PTPRD: variants seen among roughly 807,000 people sequenced by gnomAD.
The protein encoded by PTPRD is protein tyrosine phosphatase receptor type D, also known as receptor-type tyrosine-protein phosphatase delta.
A neutral mutation model predicts 214.5 loss-of-function variants in PTPRD; 34 were observed. The ratio of observed to expected loss-of-function variants is 0.16; its 90% CI spans 0.12 to 0.21. PTPRD has a LOEUF of 0.21. PTPRD is among the 10% of genes least tolerant of loss of function. The probability of loss-of-function intolerance (pLI) is 1.00; values close to 1 mark genes in which losing one functional copy is unlikely to be tolerated. For missense variants in PTPRD, 2,545 were observed against 2,398.7 expected (o/e 1.06, Z -1.27); for synonymous variants, 1,128 against 845.7 (o/e 1.33, Z -5.79).
Position 9,886,248 on chromosome 9 carries a change from G to A in PTPRD, c.-368+52259C>T, listed in dbSNP as rs566312746. Among the ~76,000 whole-genome samples the A allele has an allele frequency of 8.3e-4, 127 of 152,106 alleles. 2 individuals carry two copies. The highest frequency in any genetic ancestry group is 2.8e-3 in the African/African-American group (118 of 41,514). On this transcript the variant is annotated intron_variant, in intron 5 of 45. Transcript: ENST00000381196. ...TGCATATCAGAATTGCTATATGCCC[G>A]TCACTGCTCTGGGTCTCCTGTTTTA...
intron 8 of PTPRD, among the ~76,000 whole-genome samples, chr9:9,447,336 A>AT (rs1209655039): frequency 6.6e-6 from 1 of 152,198 alleles, no homozygotes; most frequent in Admixed American, 6.5e-5. Context: ...TTAGACAGCC[A>AT]TAAAAAATGA....
intron 10 of PTPRD, among the ~76,000 whole-genome samples, chr9:9,056,986 T>C (rs2099697452): frequency 1.3e-5 from 2 of 152,314 alleles, no homozygotes; most frequent in South Asian, 4.1e-4. Context: ...AGATCATTTA[T>C]GCTTTTGCAG....
chr9:8,386,252 A>G (rs1270594798), intron 37 of PTPRD, among the ~76,000 whole-genome samples: 1 of 152,200 alleles, frequency 6.6e-6, no homozygotes, highest in African/African-American at 2.4e-5. Flanking sequence ...AAAGTGCCCT[A>G]CTTGGAACTG....
intron 7 of PTPRD, among the ~76,000 whole-genome samples, chr9:9,630,222 G>T (rs1385062950): frequency 4.6e-5 from 7 of 152,202 alleles, no homozygotes; most frequent in African/African-American, 1.2e-4. Flanking sequence ...TCTTAATGGG[G>T]ATAGGTTGGA....
chr9:10,072,355 C>T (rs1487959297), intron 3 of PTPRD, among the ~76,000 whole-genome samples: 1 of 151,976 alleles, frequency 6.6e-6, no homozygotes, highest in Non-Finnish European at 1.5e-5. Context: ...ATAGTGTGTC[C>T]AGAGTTGGTT....
intron 43 of PTPRD, among the ~76,000 whole-genome samples, chr9:8,335,653 C>A (rs1845905126): frequency 6.6e-6 from 1 of 152,108 alleles, no homozygotes; most frequent in African/African-American, 2.4e-5. Context: ...GGCAATCAGG[C>A]AAGAGAAAGA....
intron 11 of PTPRD, among the ~76,000 whole-genome samples, chr9:8,996,661 A>C (rs956669715): frequency 2.0e-5 from 3 of 152,090 alleles, no homozygotes; most frequent in Non-Finnish European, 4.4e-5. Context: ...CCTCTCAGAC[A>C]GCACCTTCTG....
At chr9:9,912,938 G>C (rs1254686308) in intron 5 of PTPRD, among the ~76,000 whole-genome samples, 1 of 151,930 alleles carries the variant, frequency 6.6e-6, no homozygotes, top group Non-Finnish European at 1.5e-5. Context: ...ATACTTTTTT[G>C]CTCTTCCTTC....
At chr9:9,402,194 C>T (rs1334221850) in intron 8 of PTPRD, among the ~76,000 whole-genome samples, 1 of 151,814 alleles carries the variant, frequency 6.6e-6, no homozygotes, top group Non-Finnish European at 1.5e-5. Flanking sequence ...TGCTGTAATG[C>T]ATCCTTGAAA....
intron 11 of PTPRD, among the ~76,000 whole-genome samples, chr9:8,793,540 G>C (rs981979232): frequency 6.6e-6 from 1 of 152,174 alleles, no homozygotes; most frequent in Admixed American, 6.5e-5. Context: ...TAAGCTGTCA[G>C]GTTTGGGATA....
chr9:9,541,186 G>C (rs2077512598), intron 8 of PTPRD, among the ~76,000 whole-genome samples: 1 of 151,646 alleles, frequency 6.6e-6, no homozygotes. Flanking sequence ...TTGAACTTTG[G>C]TCCAGGCAAA....
chr9:9,581,499 A>G (rs2090754437), intron 7 of PTPRD, among the ~76,000 whole-genome samples: 1 of 152,150 alleles, frequency 6.6e-6, no homozygotes, highest in Non-Finnish European at 1.5e-5. Flanking sequence ...CACAATTCCT[A>G]TTATAATTGT....
chr9:8,608,934 G>A (rs1354615887), intron 14 of PTPRD, among the ~76,000 whole-genome samples: 1 of 152,106 alleles, frequency 6.6e-6, no homozygotes, highest in Non-Finnish European at 1.5e-5. Context: ...GCAGAGTGAT[G>A]AGACTCAGAC....
chr9:8,639,218 T>C (rs534006194), intron 12 of PTPRD, among the ~76,000 whole-genome samples: 1 of 152,312 alleles, frequency 6.6e-6, no homozygotes, highest in East Asian at 1.9e-4. Context: ...TGGAAACAAA[T>C]GAAAAATATA....
At chr9:8,987,813 T>C (rs2154345184) in intron 11 of PTPRD, among the ~76,000 whole-genome samples, 1 of 152,242 alleles carries the variant, frequency 6.6e-6, no homozygotes, top group East Asian at 1.9e-4. Context: ...GTGATAAATA[T>C]ATTTAGTTGG....
At chr9:8,497,564 A>G (rs2097304109) in intron 25 of PTPRD, among the ~76,000 whole-genome samples, 1 of 152,122 alleles carries the variant, frequency 6.6e-6, no homozygotes. Flanking sequence ...ATCATATCCT[A>G]CTCGTATTTA....
chr9:10,430,804 T>C (rs1588046515), intron 2 of PTPRD, among the ~76,000 whole-genome samples: 1 of 152,112 alleles, frequency 6.6e-6, no homozygotes, highest in East Asian at 1.9e-4. Context: ...TAGGAGGCAA[T>C]AGACCTGTCT....
intron 9 of PTPRD, among the ~76,000 whole-genome samples, chr9:9,349,874 A>G (rs971635912): frequency 1.3e-5 from 2 of 152,048 alleles, no homozygotes; most frequent in Non-Finnish European, 2.9e-5. Flanking sequence ...AGTCCATTGT[A>G]AAAAGCCATT....
At chr9:10,072,076 C>A (rs1319581407) in intron 3 of PTPRD, among the ~76,000 whole-genome samples, 3 of 151,690 alleles carry the variant, frequency 2.0e-5, no homozygotes, top group Non-Finnish European at 1.5e-5. Context: ...TAAACATAGA[C>A]TGGGAGAATA....
Sources: allele counts gnomAD v4.1 joint callset (sites outside exome capture counted in the v4.1 genomes callset), GRCh38; gene constraint gnomAD v4.1.1; transcripts MANE v1.5; gene names NCBI Gene and HGNC (gene_info 2026-07-23, HGNC 2026-07-21).